Variants in SEMA3E observed in about 807,000 individuals in gnomAD.
SEMA3E encodes the protein semaphorin-3E.
In SEMA3E, 49 loss-of-function variants were observed where a neutral mutation model predicts 93.6. The ratio of observed to expected loss-of-function variants is 0.52; its 90% CI spans 0.42 to 0.66. The LOEUF (loss-of-function observed/expected upper bound fraction) is 0.66, where lower values mean the gene tolerates loss of function less well. SEMA3E is among the 30% of genes least tolerant of loss of function. SEMA3E has a pLI of 0.00. For synonymous variants in SEMA3E, 363 were observed against 330.7 expected, an observed-to-expected ratio of 1.10 and a Z score of -1.06; for missense variants, 906 against 964.8, an observed-to-expected ratio of 0.94 and a Z score of 0.81.
chr7:83,636,521 T>G (rs1274059146), intron 1 of SEMA3E, among the ~76,000 whole-genome samples: 3 of 152,158 alleles, frequency 2.0e-5, no homozygotes, highest in Non-Finnish European at 4.4e-5. Flanking sequence ...CTAAAGTTTA[T>G]TAGATTCTAA....
chr7:83,511,970 A>C (rs1790832785), intron 1 of SEMA3E, among the ~76,000 whole-genome samples: 7 of 152,318 alleles, frequency 4.6e-5, no homozygotes, highest in African/African-American at 1.7e-4. Flanking sequence ...GCAACATATG[A>C]AAAGTATTTT....
chr7:83,368,128 T>C, intron 16 of SEMA3E, 90 bp from the exon 17 acceptor site: 1 of 1,154,662 alleles, frequency 8.7e-7, no homozygotes, highest in Non-Finnish European at 1.3e-6. Flanking sequence ...TTGAATTTTT[T>C]CATTTTCACT....
intron 1 of SEMA3E, among the ~76,000 whole-genome samples, chr7:83,542,384 A>T (rs28498769): frequency 0.22 from 33,468 of 151,954 alleles, 3,870 homozygotes; most frequent in East Asian, 0.39. Context: ...TAGAATTAGA[A>T]AAATCAACAG....
intron 1 of SEMA3E, among the ~76,000 whole-genome samples, chr7:83,592,762 A>T (rs1362479170): frequency 6.6e-6 from 1 of 152,176 alleles, no homozygotes; most frequent in Non-Finnish European, 1.5e-5. Flanking sequence ...AGGAGTGAAT[A>T]AAACAACTGA....
At chr7:83,481,029 T>C (rs1051608140) in intron 2 of SEMA3E, among the ~76,000 whole-genome samples, 1 of 152,168 alleles carries the variant, frequency 6.6e-6, no homozygotes, top group African/African-American at 2.4e-5. Context: ...TAATGAGGAC[T>C]CTTTTAATAA....
intron 1 of SEMA3E, among the ~76,000 whole-genome samples, chr7:83,622,370 A>G (rs1793580103): frequency 6.6e-6 from 1 of 152,212 alleles, no homozygotes; most frequent in Admixed American, 6.5e-5. Context: ...AAATGCTTAT[A>G]CACTGTTAGT....
rs771624899 is a variant in SEMA3E at position 83,490,188 on chromosome 7, C to T, written c.202G>A (p.Glu68Lys). 9.3e-6 allele frequency: 15 copies of T among 1,613,106 alleles called. No homozygotes were observed. The highest frequency in any genetic ancestry group is 1.6e-4 in the Middle Eastern group (1 of 6,062). Residue 68 changes from glutamate (E) to lysine (K), a missense_variant, in exon 2 of 17, where the codon GAG (glutamate) becomes AAG (lysine). Transcript: ENST00000643230. ...LHTMLLDEYQ[E>K]RLFVGGRDLV... ...TCCCTGCCTCCCACGAAGAGCCTCT[C>T]TTGATATTCATCCAGCAGCATTGTA...
intron 1 of SEMA3E, among the ~76,000 whole-genome samples, chr7:83,541,461 G>A (rs1791529968): frequency 1.3e-5 from 2 of 151,716 alleles, no homozygotes; most frequent in Admixed American, 1.3e-4. Context: ...GGATGCTGCT[G>A]GATTCAACAG....
At chr7:83,428,415 T>C (rs1788815091) in intron 4 of SEMA3E, among the ~76,000 whole-genome samples, 3 of 152,342 alleles carry the variant, frequency 2.0e-5, no homozygotes, top group South Asian at 4.1e-4. Context: ...ATACACAATG[T>C]TCATTACATA....
In SEMA3E at chr7:83,544,810, T is replaced by TCATAA. The variant is rs1554336756; in HGVS notation, c.116-54537_116-54536insTTATG. Among the ~76,000 whole-genome samples the TCATAA allele has an allele frequency of 7.8e-4, 118 of 152,204 alleles. 1 individual carries two copies. The East Asian group carries it at 0.021, about 27-fold the overall frequency. ...AGTTTCATATTGTTTCCATCTCATC[T>TCATAA]AGGTGGGACCCTTTATGCCACTGCT... On this transcript the variant is annotated intron_variant, in intron 1 of 16. Transcript: ENST00000643230.
intron 10 of SEMA3E, among the ~76,000 whole-genome samples, chr7:83,401,429 G>T (rs1005272125): frequency 1.3e-5 from 2 of 152,000 alleles, no homozygotes; most frequent in Non-Finnish European, 2.9e-5. Flanking sequence ...TCACTTGAGT[G>T]TACTTTCATG....
intron 2 of SEMA3E, among the ~76,000 whole-genome samples, chr7:83,482,886 G>A (rs1234957444): frequency 6.9e-6 from 1 of 144,706 alleles, no homozygotes; most frequent in Non-Finnish European, 1.5e-5. Context: ...TTATTCCAGG[G>A]AAGGGGAGTT....
At chr7:83,422,231 G>GT (rs1788681014) in intron 4 of SEMA3E, among the ~76,000 whole-genome samples, 1 of 151,962 alleles carries the variant, frequency 6.6e-6, no homozygotes, top group Admixed American at 6.6e-5. Context: ...GAACAAATGT[G>GT]GCCTCCTGAC....
intron 1 of SEMA3E, among the ~76,000 whole-genome samples, chr7:83,558,502 G>C (rs1791964662): frequency 6.6e-6 from 1 of 151,756 alleles, no homozygotes; most frequent in Non-Finnish European, 1.5e-5. Flanking sequence ...CATTTCAGGA[G>C]GAAAACAGAA....
chr7:83,543,919 C>G (rs775256663), intron 1 of SEMA3E, among the ~76,000 whole-genome samples: 4 of 152,034 alleles, frequency 2.6e-5, no homozygotes, highest in Non-Finnish European at 4.4e-5. Flanking sequence ...TTTACCTTAA[C>G]GTTTAATCTT....
chr7:83,564,882 C>T (rs2115847000), intron 1 of SEMA3E, among the ~76,000 whole-genome samples: 1 of 152,130 alleles, frequency 6.6e-6, no homozygotes, highest in Admixed American at 6.5e-5. Context: ...ATGAAAAACC[C>T]TCCAAAAAAT....
In SEMA3E at chr7:83,546,321, GGTGTGTGTGTGTGTGTGTGT is replaced by G. The variant is rs67647992; in HGVS notation, c.116-56067_116-56048del. ...CATGTTAAGATGCATTATAATAAGGGGTGTGTGTGTGTGTGTGTGTGTGTGTGTGTGTGTGTGTGTGTGTT... is the reference window on the plus strand; with the variant it reads ...CATGTTAAGATGCATTATAATAAGGGGTGTGTGTGTGTGTGTGTGTGTGTT... On this transcript the variant is annotated intron_variant, in intron 1 of 16. Transcript: ENST00000643230. Among the ~76,000 whole-genome samples, 19 of 129,482 alleles carry G rather than the reference GGTGTGTGTGTGTGTGTGTGT, an allele frequency of 1.5e-4. No individual in the cohort carries two copies. In the East Asian group the frequency reaches 3.6e-3, roughly 25 times the overall value. 84.9% of individuals were successfully genotyped at this position (129,482 alleles called of 152,430 possible). A position where few individuals can be genotyped will look rare whatever the true frequency, so the allele number is the denominator to read the frequency against.
In SEMA3E at chr7:83,374,847, A is replaced by G. The variant is rs542697478; in HGVS notation, c.1876-6809T>C. Among the ~76,000 whole-genome samples the G allele has an allele frequency of 2.7e-3, 411 of 152,312 alleles. 2 individuals carry two copies. The highest frequency in any genetic ancestry group is 9.1e-3 in the African/African-American group (379 of 41,572). On this transcript the variant is annotated intron_variant, in intron 16 of 16. Coordinates refer to ENST00000643230, the MANE Select transcript of SEMA3E (RefSeq NM_012431.3). ...AGGAGGTCCAGGAAAAACAAAATCA[A>G]ACAAGAGAAATTTGTATAAACCAAT...
At chr7:83,460,605 T>G (rs1473555472) in intron 4 of SEMA3E, among the ~76,000 whole-genome samples, 1 of 149,648 alleles carries the variant, frequency 6.7e-6, no homozygotes. Flanking sequence ...ACCCCTTCTC[T>G]CCTTGTCTCT....
Sources: allele counts gnomAD v4.1 joint callset (sites outside exome capture counted in the v4.1 genomes callset), GRCh38; gene constraint gnomAD v4.1.1; transcripts MANE v1.5; gene names NCBI Gene and HGNC (gene_info 2026-07-23, HGNC 2026-07-21).